GPC6: variants seen among roughly 807,000 people sequenced by gnomAD.
The protein encoded by GPC6 is glypican-6.
GPC6 carries 14 observed loss-of-function variants against 55.2 expected under a neutral mutation model. The observed-to-expected ratio is 0.25, with a 90% confidence interval of 0.17 to 0.40. The LOEUF (loss-of-function observed/expected upper bound fraction) is 0.40, where lower values mean the gene tolerates loss of function less well. Among genes scored for constraint, GPC6 ranks in the 10% least tolerant of loss-of-function variants. GPC6 has a pLI of 1.00. For synonymous variants in GPC6, 278 were observed against 259.6 expected, an observed-to-expected ratio of 1.07 and a Z score of -0.68; for missense variants, 641 against 708.5, an observed-to-expected ratio of 0.90 and a Z score of 1.08.
chr13:94,333,323 C>T (rs529857829), intron 6 of GPC6, among the ~76,000 whole-genome samples: 5 of 152,264 alleles, frequency 3.3e-5, no homozygotes, highest in East Asian at 1.9e-4. Context: ...CAGTGCTGTA[C>T]GGCATCTTAT....
In GPC6 at chr13:93,408,756, G is replaced by A. The variant is rs184730673; in HGVS notation, c.161-136507G>A. On this transcript the variant is annotated intron_variant, in intron 1 of 8. Coordinates refer to ENST00000377047, the MANE Select transcript of GPC6 (RefSeq NM_005708.5). The stretch of plus-strand genomic sequence containing the variant: ...AGCACTGCTAGGGAGTGTAAGAGAG[G>A]GAGTAAGTTATTATGGAGGTAGTAG... Among the ~76,000 whole-genome samples the A allele has an allele frequency of 2.5e-3, 380 of 152,166 alleles. 4 individuals are homozygous for A. The highest frequency in any genetic ancestry group is 3.6e-3 in the Non-Finnish European group (245 of 68,000).
chr13:94,045,956 C>T (rs751080879), intron 4 of GPC6, among the ~76,000 whole-genome samples: 1 of 151,790 alleles, frequency 6.6e-6, no homozygotes, highest in Non-Finnish European at 1.5e-5. Context: ...GATTATTGTC[C>T]CCATTTTACA....
At chr13:93,305,113 C>G (rs148985567) in intron 1 of GPC6, among the ~76,000 whole-genome samples, 2 of 152,130 alleles carry the variant, frequency 1.3e-5, no homozygotes, top group Non-Finnish European at 2.9e-5. Flanking sequence ...GCTCTTAACA[C>G]GGCCTGCCCA....
intron 4 of GPC6, among the ~76,000 whole-genome samples, chr13:94,099,305 TAA>T (rs1885771381): frequency 6.6e-6 from 1 of 152,122 alleles, no homozygotes; most frequent in Admixed American, 6.5e-5. Context: ...GCTTCAGAAA[TAA>T]AGAGATATAA....
intron 3 of GPC6, among the ~76,000 whole-genome samples, chr13:93,955,695 G>T (rs1057414430): frequency 6.6e-6 from 1 of 152,068 alleles, no homozygotes; most frequent in Non-Finnish European, 1.5e-5. Context: ...ATGTTCTTTG[G>T]ATTCATCCCT....
chr13:93,999,604 T>G (rs767381319), intron 3 of GPC6, among the ~76,000 whole-genome samples: 4 of 152,230 alleles, frequency 2.6e-5, no homozygotes, highest in African/African-American at 9.6e-5. Flanking sequence ...TCATCCCTGT[T>G]GTTGCAAATG....
chr13:93,844,201 C>A (rs530766562), intron 3 of GPC6, among the ~76,000 whole-genome samples: 174 of 152,190 alleles, frequency 1.1e-3, no homozygotes, highest in Non-Finnish European at 1.9e-3. Flanking sequence ...TGCAATGCCA[C>A]GATCTCAGCT....
chr13:93,217,391 A>AT, the GPC6 span, among the ~76,000 whole-genome samples: 1 of 152,318 alleles, frequency 6.6e-6, no homozygotes, highest in East Asian at 1.9e-4. Flanking sequence ...TTTGGTTGTA[A>AT]TTTGCACAGT....
intron 7 of GPC6, among the ~76,000 whole-genome samples, chr13:94,385,706 C>G (rs1438695285): frequency 1.3e-5 from 2 of 151,828 alleles, no homozygotes; most frequent in Non-Finnish European, 2.9e-5. Flanking sequence ...AATGGATCAC[C>G]AATAAAGACT....
At chr13:93,340,167 T>C (rs1232136843) in intron 1 of GPC6, among the ~76,000 whole-genome samples, 1 of 151,444 alleles carries the variant, frequency 6.6e-6, no homozygotes, top group Non-Finnish European at 1.5e-5. Context: ...CCAGAGTAGC[T>C]GGGACTACAG....
chr13:93,589,869 C>T (rs1461155209), intron 2 of GPC6, among the ~76,000 whole-genome samples: 1 of 152,104 alleles, frequency 6.6e-6, no homozygotes, highest in Non-Finnish European at 1.5e-5. Context: ...TTAGCCTGAG[C>T]ATTTAAGGGG....
intron 4 of GPC6, among the ~76,000 whole-genome samples, chr13:94,047,563 T>C (rs1044029134): frequency 7.9e-5 from 12 of 152,210 alleles, no homozygotes; most frequent in African/African-American, 2.4e-4. Flanking sequence ...TAATGTACAG[T>C]GGTTTCTGGA....
At chr13:94,366,929 GA>G (rs1879312817) in intron 6 of GPC6, among the ~76,000 whole-genome samples, 1 of 152,218 alleles carries the variant, frequency 6.6e-6, no homozygotes, top group Non-Finnish European at 1.5e-5. Flanking sequence ...AGGCAAGAGA[GA>G]AAAGTTGAGG....
chr13:93,472,042 G>A (rs541187558), intron 1 of GPC6, among the ~76,000 whole-genome samples: 2 of 152,040 alleles, frequency 1.3e-5, no homozygotes, highest in Admixed American at 1.3e-4. Context: ...TTAGATTTAC[G>A]GATTTAGTTC....
chr13:93,581,033 CA>C (rs1203396347), intron 2 of GPC6, among the ~76,000 whole-genome samples: 1 of 152,030 alleles, frequency 6.6e-6, no homozygotes, highest in Non-Finnish European at 1.5e-5. Context: ...GATTTTGAGC[CA>C]TTATAATTGC....
At chr13:93,792,904 A>G (rs1419020910) in intron 2 of GPC6, among the ~76,000 whole-genome samples, 1 of 152,208 alleles carries the variant, frequency 6.6e-6, no homozygotes. Flanking sequence ...TCATACAGTC[A>G]GAGTTTGAGT....
Position 93,278,179 on chromosome 13 carries a change from T to C in GPC6, c.160+50563T>C, listed in dbSNP as rs142220015. 3.7e-3 allele frequency among the ~76,000 whole-genome samples: 570 copies of C among 152,324 alleles called. 1 individual carries two copies. The highest frequency in any genetic ancestry group is 0.012 in the African/African-American group (509 of 41,572). ...GCTGCAGAGGGAAATAGAACATAAA[T>C]ACCTAGTTCCAGATAGAAAGTGCCA... On this transcript the variant is annotated intron_variant, in intron 1 of 8. Coordinates refer to ENST00000377047, the MANE Select transcript of GPC6 (RefSeq NM_005708.5).
chr13:93,894,591 A>G (rs1363301929), intron 3 of GPC6, among the ~76,000 whole-genome samples: 2 of 152,176 alleles, frequency 1.3e-5, no homozygotes, highest in African/African-American at 2.4e-5. Context: ...ACATTGTTCC[A>G]TGCTTTATTT....
chr13:94,100,968 G>C (rs1885836227), intron 4 of GPC6, among the ~76,000 whole-genome samples: 1 of 152,184 alleles, frequency 6.6e-6, no homozygotes, highest in Non-Finnish European at 1.5e-5. Context: ...AATTACAAGA[G>C]GTCATTCATT....
Sources: allele counts gnomAD v4.1 joint callset (sites outside exome capture counted in the v4.1 genomes callset), GRCh38; gene constraint gnomAD v4.1.1; transcripts MANE v1.5; gene names NCBI Gene and HGNC (gene_info 2026-07-23, HGNC 2026-07-21).